Variants in TESPA1 observed in about 807,000 individuals in gnomAD.
The protein encoded by TESPA1 is thymocyte expressed, positive selection associated 1.
TESPA1 carries 33 observed loss-of-function variants against 57.9 expected under a neutral mutation model. The observed-to-expected ratio is 0.57, with a 90% CI of 0.43 to 0.76. TESPA1 has a LOEUF of 0.76. Among genes scored for constraint, TESPA1 ranks in the 30% least tolerant of loss-of-function variants. The probability of loss-of-function intolerance (pLI) is 0.00; values close to 1 mark genes in which losing one functional copy is unlikely to be tolerated. For missense variants in TESPA1, 618 were observed against 632.9 expected (o/e 0.98, Z 0.25); for synonymous variants, 227 against 228.9 (o/e 0.99, Z 0.07).
intron 1 of TESPA1, among the ~76,000 whole-genome samples, chr12:54,976,219 C>T (rs1952130304): frequency 6.6e-6 from 1 of 152,150 alleles, no homozygotes; most frequent in Non-Finnish European, 1.5e-5. Flanking sequence ...GGAAGACTTA[C>T]CCTGGTATTT....
intron 3 of TESPA1, among the ~76,000 whole-genome samples, chr12:54,969,046 T>TATATATATATACAC (rs71070858): frequency 2.3e-4 from 29 of 124,458 alleles, no homozygotes; most frequent in African/African-American, 8.4e-4. Context: ...TATATATATA[T>TATATATATATACAC]GTGTGTGTGT....
chr12:54,967,296 T>C, intron 4 of TESPA1, 60 bp from the exon 5 acceptor site: 1 of 1,556,406 alleles, frequency 6.4e-7, no homozygotes, highest in Non-Finnish European at 8.8e-7. Flanking sequence ...CACATGCACA[T>C]GCACACCCCT....
rs188733938 is a variant in TESPA1, at chr12:54,977,913, T to A, written c.-45-3306A>T. ...CTGTCCATGGAGTGTTATATGGGAA[T>A]ACTATAAGTACAGCAATATCAAGAG... On this transcript the variant is annotated intron_variant, in intron 1 of 10. Transcript: ENST00000449076. 3.3e-5 allele frequency among the ~76,000 whole-genome samples: 5 copies of A among 152,268 alleles called. 1 individual carries two copies. The East Asian group carries it at 9.7e-4, about 29-fold the overall frequency.
At chr12:54,964,083 T>A in intron 7 of TESPA1, 133 bp from the exon 8 acceptor site, 1 of 938,932 alleles carries the variant, frequency 1.1e-6, no homozygotes, top group South Asian at 1.7e-5. Flanking sequence ...TCACTGTGAC[T>A]TTGAGAAAAG....
Position 54,953,522 on chromosome 12 carries a change from C to CTTTTTTTT in TESPA1, c.*2-3140_*2-3133dup, listed in dbSNP as rs1178610425. On this transcript the variant is annotated intron_variant, in intron 10 of 10. Transcript: ENST00000449076. ...CCTTCTCTACATCTTTTTTTATTTA[C>CTTTTTTTT]TTTTTTTTTTTTTGAGACGGAGTCT... is the stretch of plus-strand genomic sequence containing the variant. 8.3e-4 allele frequency among the ~76,000 whole-genome samples: 113 copies of CTTTTTTTT among 135,372 alleles called. 10 individuals are homozygous for CTTTTTTTT. The highest frequency in any genetic ancestry group is 2.5e-3 in the African/African-American group (88 of 35,794). The allele number at this position is 135,372 out of a possible 152,430, so 88.8% of individuals were successfully genotyped here. A position where few individuals can be genotyped will look rare whatever the true frequency, so the allele number is the denominator to read the frequency against.
At chr12:54,957,203 G>T (rs1950786622) in intron 10 of TESPA1, among the ~76,000 whole-genome samples, 1 of 152,142 alleles carries the variant, frequency 6.6e-6, no homozygotes, top group South Asian at 2.1e-4. Context: ...ATTCCCATTT[G>T]CCTACTCAGC....
rs752929437 is a variant in TESPA1 at position 54,962,539 on chromosome 12, C to G, written c.1359G>C (p.Lys453Asn). The G allele has an allele frequency of 1.2e-6, 2 of 1,613,888 alleles. No individual in the cohort carries two copies. Among genetic ancestry groups the G allele is most frequent in the Non-Finnish European group, 1.7e-6 (2 of 1,179,890 alleles). ...FQKNLMGRKV[K>N]SLDLSITQQK... ...GCTGGGTGATGGACAGGTCCAAGGA[C>G]TTAACCTTCCTGCCCATGAGATTCT... The change falls in exon 9 of 11, where the codon AAG (lysine) becomes AAC (asparagine). Residue 453 changes from lysine to asparagine, a missense_variant. Transcript: ENST00000449076.
At chr12:54,981,636 C>T (rs1483722120) in intron 1 of TESPA1, 1 of 151,968 alleles carries the variant, frequency 6.6e-6, no homozygotes, top group Non-Finnish European at 1.5e-5. Flanking sequence ...ATTACCTAAT[C>T]CTGTTCACTC....
chr12:54,956,016 G>A (rs1210770746), intron 10 of TESPA1, among the ~76,000 whole-genome samples: 2 of 152,128 alleles, frequency 1.3e-5, no homozygotes, highest in South Asian at 2.1e-4. Context: ...TTATGTCATA[G>A]GATGAAATGA....
chr12:54,982,842 C>T (rs1385389364), intron 1 of TESPA1, among the ~76,000 whole-genome samples: 1 of 151,932 alleles, frequency 6.6e-6, no homozygotes, highest in Non-Finnish European at 1.5e-5. Flanking sequence ...TCCTGCTTTT[C>T]TTTTTCAATA....
At chr12:54,966,218 C>T (rs1248716669) in intron 6 of TESPA1, 67 bp from the exon 7 acceptor site, 1 of 1,564,510 alleles carries the variant, frequency 6.4e-7, no homozygotes, top group African/African-American at 1.4e-5. Flanking sequence ...TCGAGGAATC[C>T]CTGCTGGACT....
rs371019313 is a variant in TESPA1, at chr12:54,963,008, C to T, written c.890G>A (p.Arg297Gln). Residue 297 changes from arginine (R) to glutamine (Q), a missense_variant, in exon 9 of 11, where the codon CGA (arginine) becomes CAA (glutamine). Physicochemically the swap from Arg to Gln is conservative, Grantham distance 43 (BLOSUM62 1). Coordinates refer to ENST00000449076, the MANE Select transcript of TESPA1 (RefSeq NM_001136030.3). Reference sequence around the variant, plus strand: ...GTTGTGGGGTGGTGGTGGCCGGTCTCGGGGGCATGTGTACAGACACATCTT... The same window carrying T: ...GTTGTGGGGTGGTGGTGGCCGGTCTTGGGGGCATGTGTACAGACACATCTT... Reference protein sequence around the residue: ...ISKMCLYTCPRDRPPPPHNTP... With the variant: ...ISKMCLYTCPQDRPPPPHNTP... The T allele has an allele frequency of 4.5e-5, 72 of 1,613,562 alleles. No homozygotes were observed. Among genetic ancestry groups the T allele is most frequent in the Non-Finnish European group, 5.6e-5 (66 of 1,179,830 alleles).
intron 10 of TESPA1, among the ~76,000 whole-genome samples, chr12:54,952,315 A>G (rs968666095): frequency 6.6e-6 from 1 of 152,236 alleles, no homozygotes; most frequent in Non-Finnish European, 1.5e-5. Context: ...CTAGTTTGTA[A>G]TGTTCTATTA....
At position 54,963,851 on chromosome 12, in the gene TESPA1, G is replaced by T. The variant is rs184546735; in HGVS notation, c.546C>A (p.Pro182=). 1.5e-3 allele frequency: 2,346 copies of T among 1,613,978 alleles called. 42 individuals are homozygous for T. In the South Asian group the frequency reaches 0.015, roughly 11 times the overall value. The part of the protein sequence containing the change: ...QEDHKDTSRI[P]ARFFTTPSQA... Reference sequence around the variant, plus strand: ...GAGAGGGGGTGGTGAAAAATCGGGCGGGTATCCGAGAAGTGTCTTTGTGAT... The same window carrying T: ...GAGAGGGGGTGGTGAAAAATCGGGCTGGTATCCGAGAAGTGTCTTTGTGAT... Residue 182 remains proline (P), a synonymous_variant, in exon 8 of 11, where the codon CCC becomes CCA. Transcript: ENST00000449076.
In TESPA1 at chr12:54,962,585, G is replaced by T. The variant is rs1592347924; in HGVS notation, c.1313C>A (p.Ala438Glu). 1 of 1,613,908 alleles carries T rather than the reference G, an allele frequency of 6.2e-7. No individual in the cohort carries two copies. Among genetic ancestry groups the T allele is most frequent in the South Asian group, 1.1e-5 (1 of 91,068 alleles). ...DETFWKRKSRARKSLFQKNLM... is the reference protein window; with the variant it reads ...DETFWKRKSRERKSLFQKNLM... ...ATTCTTCTGGAAGAGGCTCTTTCTT[G>T]CTCTGCTCTTTCTTTTCCAGAAAGT... Residue 438 changes from alanine to glutamate, a missense_variant, in exon 9 of 11, where the codon GCA (alanine) becomes GAA (glutamate). Physicochemically the swap from Ala to Glu is moderately radical, Grantham distance 107. This residue lies in a region of TESPA1 where 409 missense variants were observed against 420.1 expected (regional missense o/e 0.97). Coordinates refer to ENST00000449076, the MANE Select transcript of TESPA1 (RefSeq NM_001136030.3).
chr12:54,966,002 T>A (rs1352807349), intron 7 of TESPA1, 51 bp downstream of exon 7: 1 of 1,530,088 alleles, frequency 6.5e-7, no homozygotes, highest in Non-Finnish European at 8.9e-7. Flanking sequence ...TCCATTCTCC[T>A]ATGCTTCTCA....
Position 54,962,527 on chromosome 12 carries a change from C to T in TESPA1, c.1371G>A (p.Leu457=), listed in dbSNP as rs777658457. 2 of 1,613,754 alleles carry T rather than the reference C, an allele frequency of 1.2e-6. No individual in the cohort carries two copies. The highest frequency in any genetic ancestry group is 3.3e-5 in the Admixed American group (2 of 60,026). Residue 457 remains leucine, a synonymous_variant, in exon 9 of 11, where the codon CTG becomes CTA. Coordinates refer to ENST00000449076, the MANE Select transcript of TESPA1 (RefSeq NM_001136030.3). Reference sequence around the variant, plus strand: ...GCTTCCATTTCTGCTGGGTGATGGACAGGTCCAAGGACTTAACCTTCCTGC... The same window carrying T: ...GCTTCCATTTCTGCTGGGTGATGGATAGGTCCAAGGACTTAACCTTCCTGC... The part of the protein sequence containing the change: ...LMGRKVKSLD[L]SITQQKWKQS...
At chr12:54,958,080 C>A (rs1950841443) in intron 10 of TESPA1, among the ~76,000 whole-genome samples, 1 of 152,168 alleles carries the variant, frequency 6.6e-6, no homozygotes, top group Non-Finnish European at 1.5e-5. Flanking sequence ...CAATTCAATT[C>A]TGATATTTTA....
Position 54,967,235 on chromosome 12 carries a change from G to A in TESPA1, c.258C>T (p.Gly86=). The A allele has an allele frequency of 6.2e-7, 1 of 1,612,558 alleles. No homozygotes were observed. The highest frequency in any genetic ancestry group is 8.5e-7 in the Non-Finnish European group (1 of 1,179,476). ...CAAAGCTGGTCCCATGGCTGCAGAA[G>A]CCTGTCCAATAATCAGGTGAGGGTC... ...SEEAGQFIYN[G]FCSHGTSFED... is the part of the protein sequence containing the mutation. The change falls in exon 5 of 11, where the codon GGC becomes GGT. Residue 86 remains glycine, a splice_region_variant and synonymous_variant. Transcript: ENST00000449076.
Sources: gnomAD v4.1 joint callset for allele counts (sites outside exome capture counted in the v4.1 genomes callset) on GRCh38, gnomAD v4.1.1 for gene constraint, gnomAD v4.1.1 regional missense constraint, MANE v1.5 for transcripts, NCBI Gene and HGNC (gene_info 2026-07-23, HGNC 2026-07-21) for gene names.